The following GON4L variants were observed in gnomAD, a reference collection of about 807,000 sequenced individuals.
GON4L encodes the protein GON-4-like protein.
A neutral mutation model predicts 211.8 loss-of-function variants in GON4L; 87 were observed. The ratio of observed to expected loss-of-function variants is 0.41; its 90% CI spans 0.35 to 0.49. GON4L has a LOEUF of 0.49. Among genes scored for constraint, GON4L ranks in the 20% least tolerant of loss-of-function variants. The pLI, the probability that GON4L is intolerant of heterozygous loss-of-function variation, is 0.15. For missense variants in GON4L, 2,155 were observed against 2,659.5 expected, an observed-to-expected ratio of 0.81 and a Z score of 4.17; for synonymous variants, 875 against 962.6, an observed-to-expected ratio of 0.91 and a Z score of 1.68.
At chr1:155,784,426 C>T (rs892499924) in intron 13 of GON4L, 14 of 244,974 alleles carry the variant, frequency 5.7e-5, no homozygotes, top group African/African-American at 2.1e-4. Context: ...TGCTCTATTG[C>T]CCAGGCTGGA....
At chr1:155,816,529 T>C (rs1668253647) in intron 6 of GON4L, among the ~76,000 whole-genome samples, 1 of 152,222 alleles carries the variant, frequency 6.6e-6, no homozygotes, top group Non-Finnish European at 1.5e-5. Flanking sequence ...AAACAATGTC[T>C]ACCTTGTTCA....
At position 155,807,629 on chromosome 1, in the gene GON4L, G is replaced by A. The variant is rs1318834034; in HGVS notation, c.1453-2488C>T. 6.6e-5 allele frequency among the ~76,000 whole-genome samples: 9 copies of A among 137,370 alleles called. No homozygotes were observed. In the South Asian group the frequency reaches 9.4e-4, roughly 14 times the overall value. 90.1% of individuals were successfully genotyped at this position (137,370 alleles called of 152,430 possible). A position where few individuals can be genotyped will look rare whatever the true frequency, so the allele number is the denominator to read the frequency against. ...TGAGGCAGGACAATGGCATGAACCC[G>A]GGAGGCAGAGCTTGCAGTGAGCCGA... is the stretch of plus-strand genomic sequence containing the variant. On this transcript the variant is annotated intron_variant, in intron 10 of 31. Transcript: ENST00000368331.
Position 155,763,488 on chromosome 1 carries a change from G to A in GON4L, c.4550C>T (p.Ser1517Phe). ...TTCTGGCTCAGAGTTCTCCTCCTGA[G>A]AATTCTCTTCTTCAGACTCACCCTC... Reference protein sequence around the residue: ...SQEGESEEENSQEENSEPEEE... With the variant: ...SQEGESEEENFQEENSEPEEE... Residue 1517 changes from serine (S) to phenylalanine (F), a missense_variant, in exon 22 of 32, where the codon TCT (serine) becomes TTT (phenylalanine). This residue lies in a region of GON4L where 35 missense variants were observed against 73.9 expected (regional missense o/e 0.47). Coordinates refer to ENST00000368331, the MANE Select transcript of GON4L (RefSeq NM_001282860.2). 1.3e-6 allele frequency: 2 copies of A among 1,551,650 alleles called. No homozygotes were observed. Among genetic ancestry groups the A allele is most frequent in the Non-Finnish European group, 1.7e-6 (2 of 1,147,120 alleles).
At chr1:155,800,607 AC>A (rs1188828085) in intron 11 of GON4L, among the ~76,000 whole-genome samples, 3 of 152,110 alleles carry the variant, frequency 2.0e-5, no homozygotes, top group Admixed American at 2.0e-4. Context: ...TAATCCCAGC[AC>A]TTTGGGAGGC....
intron 3 of GON4L, among the ~76,000 whole-genome samples, chr1:155,825,992 G>A (rs1288191133): frequency 6.6e-6 from 1 of 151,998 alleles, no homozygotes; most frequent in Non-Finnish European, 1.5e-5. Flanking sequence ...GCAGTGACCT[G>A]AGATCAAGCC....
chr1:155,845,708 AG>A (rs1671173072), intron 2 of GON4L: 1 of 302,772 alleles, frequency 3.3e-6, no homozygotes, highest in South Asian at 3.7e-5. Flanking sequence ...AATCATGAAA[AG>A]ATACTGCCGT....
intron 1 of GON4L, among the ~76,000 whole-genome samples, chr1:155,854,357 G>A (rs1314791948): frequency 3.3e-5 from 5 of 152,060 alleles, no homozygotes; most frequent in Admixed American, 1.3e-4. Context: ...GGGTTTCACC[G>A]TGTTAGCCAG....
chr1:155,756,342 A>G (rs907056383), intron 27 of GON4L, among the ~76,000 whole-genome samples: 1 of 152,112 alleles, frequency 6.6e-6, no homozygotes, highest in African/African-American at 2.4e-5. Flanking sequence ...CATGAGCAAA[A>G]ATGAAAAAAG....
chr1:155,835,343 T>G (rs1010560110), intron 2 of GON4L, among the ~76,000 whole-genome samples: 1 of 151,826 alleles, frequency 6.6e-6, no homozygotes, highest in Non-Finnish European at 1.5e-5. Context: ...GGCCGCAGGG[T>G]CCTCTGCCTA....
At chr1:155,858,223 T>C (rs1432021113), upstream of GON4L, among the ~76,000 whole-genome samples, 2 of 152,160 alleles carry the variant, frequency 1.3e-5, no homozygotes, top group East Asian at 3.8e-4. Context: ...TATTTCCACT[T>C]TTCTAGAAAA....
At position 155,853,776 on chromosome 1, in the gene GON4L, A is replaced by T; in HGVS notation, c.5T>A (p.Leu2Ter). The change falls in exon 2 of 32, where the codon TTG becomes TAG. Residue 2 changes from leucine (L) to a stop codon, truncating the protein, a stop_gained. Coordinates refer to ENST00000368331, the MANE Select transcript of GON4L (RefSeq NM_001282860.2). LOFTEE classifies it high-confidence loss of function. ...TGTAGTTCTTCTCTTCTTACAGGGCAACATTTTAAAAGTCCCACTTTTGTT... is the reference window on the plus strand; with the variant it reads ...TGTAGTTCTTCTCTTCTTACAGGGCTACATTTTAAAAGTCCCACTTTTGTT... The part of the protein sequence containing the change: M[L>*]PCKKRRTTVT... The T allele has an allele frequency of 1.2e-6, 2 of 1,613,244 alleles. No individual in the cohort carries two copies. Among genetic ancestry groups the T allele is most frequent in the Non-Finnish European group, 1.7e-6 (2 of 1,179,210 alleles).
At position 155,771,274 on chromosome 1, in the gene GON4L, T is replaced by TC. The variant is rs1663164959; in HGVS notation, c.2496-58dup. 13 of 1,605,738 alleles carry TC rather than the reference T, an allele frequency of 8.1e-6. No homozygotes were observed. In the East Asian group the frequency reaches 2.9e-4, roughly 36 times the overall value. On this transcript the variant is annotated intron_variant, in intron 18 of 31. Transcript: ENST00000368331. ...TCACAGTCCTTCCTTCTAAAGGGTCTCCCCAGACTAACACATTTTACAATC... is the reference window on the plus strand; with the variant it reads ...TCACAGTCCTTCCTTCTAAAGGGTCTCCCCCAGACTAACACATTTTACAATC...
chr1:155,784,394 TTG>T, intron 13 of GON4L: 2 of 261,702 alleles, frequency 7.6e-6, no homozygotes, highest in Non-Finnish European at 1.4e-5. Context: ...TTTTTTTTTT[TTG>T]AGACAGAGTC....
At chr1:155,779,961 C>T (rs1664243586) in intron 14 of GON4L, among the ~76,000 whole-genome samples, 1 of 151,996 alleles carries the variant, frequency 6.6e-6, no homozygotes, top group East Asian at 1.9e-4. Flanking sequence ...CCACGGCCAG[C>T]TAATTTTTGT....
At chr1:155,823,923 T>A (rs1279892717) in intron 3 of GON4L, among the ~76,000 whole-genome samples, 2 of 152,018 alleles carry the variant, frequency 1.3e-5, no homozygotes, top group East Asian at 3.9e-4. Context: ...CTAAATCAAA[T>A]AAAGAAGTCT....
chr1:155,787,107 A>G (rs2101925000), intron 12 of GON4L, among the ~76,000 whole-genome samples: 1 of 150,844 alleles, frequency 6.6e-6, no homozygotes, highest in Middle Eastern at 3.4e-3. Flanking sequence ...ATTTTTTAGT[A>G]GAGACGGGGT....
rs1298271135 is a variant in GON4L at position 155,813,751 on chromosome 1, G to A, written c.1335C>T (p.Pro445=). The change falls in exon 10 of 32, where the codon CCC becomes CCT. Residue 445 remains proline, a synonymous_variant. Coordinates refer to ENST00000368331, the MANE Select transcript of GON4L (RefSeq NM_001282860.2). ...GCTTTGGAGGGGGCGGGGGCCCCAT[G>A]GGCACTACCTCAGCACTGATGTGCC... is the stretch of plus-strand genomic sequence containing the variant. ...AIRHISAEVV[P]MGPPPPPKPK... is the part of the protein sequence containing the mutation. 5.6e-6 allele frequency: 9 copies of A among 1,613,810 alleles called. No homozygotes were observed. The highest frequency in any genetic ancestry group is 2.2e-5 in the East Asian group (1 of 44,882).
intron 6 of GON4L, among the ~76,000 whole-genome samples, chr1:155,819,040 A>G (rs1008643517): frequency 6.6e-6 from 1 of 152,104 alleles, no homozygotes; most frequent in Non-Finnish European, 1.5e-5. Context: ...CTGTAATCCC[A>G]GTACTTTGGG....
rs758072632 is a variant in GON4L, at chr1:155,767,407, C to T, written c.2763+18G>A. The T allele has an allele frequency of 9.9e-6, 16 of 1,613,716 alleles. No homozygotes were observed. Among genetic ancestry groups the T allele is most frequent in the East Asian group, 2.2e-5 (1 of 44,898 alleles). ...GTGACCTTCTGCCTCCTACAGACTT[C>T]GAGGAAGAGGGCTGTACCTTTAACC... On this transcript the variant is annotated intron_variant, in intron 20 of 31. Transcript: ENST00000368331.
Sources: gnomAD v4.1 joint callset for allele counts (sites outside exome capture counted in the v4.1 genomes callset) on GRCh38, gnomAD v4.1.1 for gene constraint, gnomAD v4.1.1 regional missense constraint, MANE v1.5 for transcripts, NCBI Gene and HGNC (gene_info 2026-07-23, HGNC 2026-07-21) for gene names.